Variants in MGAT4C observed in about 807,000 individuals in gnomAD.
The protein encoded by MGAT4C is alpha-1,3-mannosyl-glycoprotein 4-beta-N-acetylglucosaminyltransferase C.
Under a neutral mutation model 40.1 loss-of-function variants are expected in MGAT4C, and 19 were observed. The observed-to-expected ratio is 0.47, with a 90% CI of 0.33 to 0.70. MGAT4C has a LOEUF of 0.70. Among genes scored for constraint, MGAT4C ranks in the 30% least tolerant of loss-of-function variants. The pLI, the probability that MGAT4C is intolerant of heterozygous loss-of-function variation, is 0.02. For missense variants in MGAT4C, 491 were observed against 563.2 expected (o/e 0.87, Z 1.30); for synonymous variants, 181 against 187.1 (o/e 0.97, Z 0.27).
chr12:86,124,008 G>A (rs933835453), intron 1 of MGAT4C, among the ~76,000 whole-genome samples: 27 of 151,886 alleles, frequency 1.8e-4, no homozygotes, highest in Admixed American at 1.8e-3. Context: ...CGACTCCACC[G>A]ATAGGACAAA....
chr12:86,188,095 C>T (rs1435218490), intron 1 of MGAT4C, among the ~76,000 whole-genome samples: 2 of 151,960 alleles, frequency 1.3e-5, no homozygotes, highest in Non-Finnish European at 2.9e-5. Context: ...TTTCTCTTTT[C>T]TGCTATGATT....
intron 2 of MGAT4C, among the ~76,000 whole-genome samples, chr12:86,657,206 A>G (rs115302240): frequency 0.013 from 1,964 of 152,146 alleles, 43 homozygotes; most frequent in African/African-American, 0.043. Context: ...AGTAAGTGGA[A>G]AAGTCTAAAA....
chr12:86,266,335 T>C (rs1952786257), intron 4 of MGAT4C, among the ~76,000 whole-genome samples: 1 of 152,154 alleles, frequency 6.6e-6, no homozygotes, highest in Non-Finnish European at 1.5e-5. Flanking sequence ...TAAATGAGGG[T>C]TTTATCATGA....
At chr12:86,223,354 T>C (rs1245170890) in intron 1 of MGAT4C, among the ~76,000 whole-genome samples, 2 of 152,180 alleles carry the variant, frequency 1.3e-5, no homozygotes, top group Non-Finnish European at 2.9e-5. Flanking sequence ...TGTCCTGCCC[T>C]GGGGCTAGTG....
chr12:86,763,492 C>T (rs1324385776), intron 1 of MGAT4C, among the ~76,000 whole-genome samples: 1 of 152,072 alleles, frequency 6.6e-6, no homozygotes, highest in Non-Finnish European at 1.5e-5. Flanking sequence ...ATTATGTACT[C>T]AATTTATAAA....
intron 3 of MGAT4C, among the ~76,000 whole-genome samples, chr12:86,370,910 G>C (rs754656142): frequency 2.8e-4 from 43 of 151,998 alleles, no homozygotes; most frequent in Non-Finnish European, 1.0e-4. Flanking sequence ...TGGGATGGCA[G>C]AGGGGTGAGG....
intron 2 of MGAT4C, among the ~76,000 whole-genome samples, chr12:86,636,041 C>T (rs1000137290): frequency 1.3e-5 from 2 of 151,852 alleles, no homozygotes; most frequent in East Asian, 1.9e-4. Flanking sequence ...TTACAATTGC[C>T]TACAGTATTC....
intron 1 of MGAT4C, among the ~76,000 whole-genome samples, chr12:86,764,868 A>T (rs970623838): frequency 9.2e-5 from 14 of 152,078 alleles, no homozygotes; most frequent in African/African-American, 3.4e-4. Context: ...CCATCTGTAC[A>T]TCACCATCAT....
chr12:86,454,438 G>A (rs555522151), intron 2 of MGAT4C, among the ~76,000 whole-genome samples: 1 of 152,050 alleles, frequency 6.6e-6, no homozygotes, highest in South Asian at 2.1e-4. Context: ...TGTTGCCCAG[G>A]CTAGTCTTGA....
intron 3 of MGAT4C, among the ~76,000 whole-genome samples, chr12:86,398,679 C>T (rs1956302375): frequency 1.3e-5 from 2 of 151,904 alleles, no homozygotes; most frequent in Admixed American, 6.6e-5. Flanking sequence ...CTGATCTTCT[C>T]CTGCCCGTCT....
intron 3 of MGAT4C, among the ~76,000 whole-genome samples, chr12:86,370,904 A>G (rs1448512132): frequency 6.6e-6 from 1 of 152,068 alleles, no homozygotes; most frequent in African/African-American, 2.4e-5. Flanking sequence ...CTTTAGTGGG[A>G]TGGCAGAGGG....
At chr12:86,072,434 T>C (rs910786496) in intron 1 of MGAT4C, among the ~76,000 whole-genome samples, 4 of 152,136 alleles carry the variant, frequency 2.6e-5, no homozygotes, top group Non-Finnish European at 5.9e-5. Context: ...AGGTAATTAA[T>C]GAAAAAATAA....
Position 85,960,857 on chromosome 12 carries a change from C to T in MGAT4C, c.*18432G>A, listed in dbSNP as rs1883078778. 6.6e-6 allele frequency: 1 copy of T among 151,896 alleles called. No individual in the cohort carries two copies. 9.4% of individuals were successfully genotyped at this position (151,896 alleles called of 1,614,324 possible). On this transcript the variant is annotated 3_prime_UTR_variant, in exon 5 of 5. Transcript: ENST00000611864. ...ACTCTTACCACTGATTTGATTGATA[C>T]TGAGCCTGTAAATATTTATTTATAT... is the stretch of plus-strand genomic sequence containing the variant.
chr12:85,983,225 G>A (rs2136693806), intron 4 of MGAT4C, among the ~76,000 whole-genome samples: 1 of 152,274 alleles, frequency 6.6e-6, no homozygotes, highest in South Asian at 2.1e-4. Flanking sequence ...ATTTTTAAAA[G>A]TTAACTTCTA....
chr12:86,699,820 A>G (rs983871178), intron 2 of MGAT4C, among the ~76,000 whole-genome samples: 1 of 152,136 alleles, frequency 6.6e-6, no homozygotes, highest in Non-Finnish European at 1.5e-5. Flanking sequence ...CCATAAAGGT[A>G]TTCATCCTCA....
intron 1 of MGAT4C, among the ~76,000 whole-genome samples, chr12:86,753,010 C>A (rs569990583): frequency 6.6e-6 from 1 of 152,134 alleles, no homozygotes; most frequent in South Asian, 2.1e-4. Context: ...TTCAGAAATA[C>A]GTTACCAAAA....
chr12:86,065,684 A>G (rs1307743247), intron 1 of MGAT4C, among the ~76,000 whole-genome samples: 2 of 152,190 alleles, frequency 1.3e-5, no homozygotes, highest in East Asian at 3.9e-4. Context: ...ACTCCTATTC[A>G]ACATAGTATT....
At chr12:86,515,981 T>TGATCCGCCCACCTCGACCTCCC (rs1958680138) in intron 2 of MGAT4C, among the ~76,000 whole-genome samples, 1 of 152,032 alleles carries the variant, frequency 6.6e-6, no homozygotes, top group East Asian at 1.9e-4. Flanking sequence ...CCTGACCTCG[T>TGATCCGCCCACCTCGACCTCCC]GATCCGCCCA....
intron 2 of MGAT4C, among the ~76,000 whole-genome samples, chr12:86,703,685 G>A (rs1950403212): frequency 6.6e-6 from 1 of 152,182 alleles, no homozygotes; most frequent in Non-Finnish European, 1.5e-5. Flanking sequence ...TAAAAAATGT[G>A]TGGTTATCTT....
Sources: gnomAD v4.1 joint callset for allele counts (sites outside exome capture counted in the v4.1 genomes callset) on GRCh38, gnomAD v4.1.1 for gene constraint, MANE v1.5 for transcripts, NCBI Gene and HGNC (gene_info 2026-07-23, HGNC 2026-07-21) for gene names.